The following UPF2 variants were observed in gnomAD, a reference collection of about 807,000 sequenced individuals.
UPF2 encodes UPF2 regulator of nonsense mediated mRNA decay.
A neutral mutation model predicts 141.4 loss-of-function variants in UPF2; 17 were observed. The ratio of observed to expected loss-of-function variants is 0.12; its 90% CI spans 0.08 to 0.18. The LOEUF is 0.18. UPF2 is among the 10% of genes least tolerant of loss of function. The pLI is 1.00. For missense variants in UPF2, 1,152 were observed against 1,515.9 expected (o/e 0.76, Z 3.99); for synonymous variants, 540 against 498.0 (o/e 1.08, Z -1.12).
intron 6 of UPF2, among the ~76,000 whole-genome samples, 195 bp downstream of exon 6, chr10:12,001,481 A>T (rs939930550): frequency 6.6e-6 from 1 of 152,228 alleles, no homozygotes; most frequent in African/African-American, 2.4e-5. Flanking sequence ...TGATCATTAA[A>T]GTTTGTAGAC....
rs115984799 is a variant in UPF2 at position 11,996,020 on chromosome 10, C to T, written c.1844+1652G>A. On this transcript the variant is annotated intron_variant, in intron 8 of 21. Coordinates refer to ENST00000357604, the MANE Select transcript of UPF2 (RefSeq NM_015542.4). The stretch of plus-strand genomic sequence containing the variant: ...TGGCTCTATGCTTCAAAGCATGCTG[C>T]GCTTCTTCTTGACAAAGGCACTTAG... 7.9e-3 allele frequency among the ~76,000 whole-genome samples: 1,202 copies of T among 152,186 alleles called. 14 individuals are homozygous for T. Among genetic ancestry groups the T allele is most frequent in the African/African-American group, 0.027 (1,117 of 41,534 alleles).
chr10:12,012,462 C>A (rs145035664), intron 4 of UPF2, among the ~76,000 whole-genome samples: 110 of 152,270 alleles, frequency 7.2e-4, no homozygotes, highest in African/African-American at 2.6e-3. Flanking sequence ...AACACAAATT[C>A]TATGATGAAA....
At chr10:12,013,143 G>T (rs1467516445) in intron 4 of UPF2, among the ~76,000 whole-genome samples, 1 of 150,830 alleles carries the variant, frequency 6.6e-6, no homozygotes, top group East Asian at 2.0e-4. Flanking sequence ...AAAAGTGTAA[G>T]AATTATGTAC....
intron 11 of UPF2, among the ~76,000 whole-genome samples, chr10:11,962,895 T>C (rs1159162902): frequency 6.6e-6 from 1 of 152,190 alleles, no homozygotes; most frequent in African/African-American, 2.4e-5. Context: ...AAGAACCCTT[T>C]CCTGATATAG....
chr10:12,037,826 CT>C (rs1403656531), intron 1 of UPF2, among the ~76,000 whole-genome samples: 4 of 152,016 alleles, frequency 2.6e-5, no homozygotes, highest in African/African-American at 9.7e-5. Context: ...TACAAAAATA[CT>C]TTACTTCAGT....
At chr10:12,000,093 T>C (rs1057461961) in intron 6 of UPF2, 84 bp from the exon 7 acceptor site, 241 of 1,170,582 alleles carry the variant, frequency 2.1e-4, no homozygotes, top group South Asian at 5.7e-4. Context: ...ATTTGGAAAA[T>C]AGATAATCTA....
At chr10:11,926,093 T>C (rs1355258075) in intron 21 of UPF2, among the ~76,000 whole-genome samples, 1 of 152,176 alleles carries the variant, frequency 6.6e-6, no homozygotes, top group East Asian at 1.9e-4. Flanking sequence ...TGACCCATGG[T>C]CTTGGCTATG....
chr10:12,028,829 T>C lies in UPF2; in HGVS notation c.1061A>G (p.Asn354Ser), dbSNP rs1377338434. Residue 354 changes from asparagine to serine, a missense_variant, in exon 3 of 22, where the codon AAT becomes AGT. Transcript: ENST00000357604. ...ISPEKQQPFQ[N>S]LLKEYFTSLT... ...AGACGTAAAGTACTCTTTTAAAAGATTCTGGAAGGGCTGTTGTTTCTCTGG... is the reference window on the plus strand; with the variant it reads ...AGACGTAAAGTACTCTTTTAAAAGACTCTGGAAGGGCTGTTGTTTCTCTGG... 6.2e-7 allele frequency: 1 copy of C among 1,614,192 alleles called. No individual in the cohort carries two copies. Among genetic ancestry groups the C allele is most frequent in the African/African-American group, 1.3e-5 (1 of 75,064 alleles).
intron 19 of UPF2, among the ~76,000 whole-genome samples, chr10:11,934,746 A>C (rs1004543459): frequency 8.6e-5 from 13 of 151,942 alleles, no homozygotes; most frequent in African/African-American, 1.2e-4. Context: ...CACGCCACCA[A>C]GCCTGGCTAA....
chr10:11,955,306 G>A lies in UPF2; in HGVS notation c.2776C>T (p.Leu926=), dbSNP rs773557760. The part of the protein sequence containing the change: ...LFRIRLVCTI[L]DTCGQYFDRG... ...TCAAAGTACTGGCCACATGTGTCCAGAATAGTGCATACGAGTCTAATTCTG... is the reference window on the plus strand; with the variant it reads ...TCAAAGTACTGGCCACATGTGTCCAAAATAGTGCATACGAGTCTAATTCTG... Residue 926 remains leucine, a synonymous_variant, in exon 14 of 22, where the codon CTG becomes TTG. Coordinates refer to ENST00000357604, the MANE Select transcript of UPF2 (RefSeq NM_015542.4). 2.8e-5 allele frequency: 46 copies of A among 1,614,056 alleles called. No individual in the cohort carries two copies. The highest frequency in any genetic ancestry group is 3.8e-5 in the Non-Finnish European group (45 of 1,180,036).
rs557149717 is a variant in UPF2, at chr10:12,008,562, G to A, written c.1307-3835C>T. ...GGAGAATCGCTTGAACCCGGGAGGC[G>A]GAGCTTGCAGTGAGCTTAGATCGCA... On this transcript the variant is annotated intron_variant, in intron 4 of 21. Transcript: ENST00000357604. Among the ~76,000 whole-genome samples, 29 of 150,168 alleles carry A rather than the reference G, an allele frequency of 1.9e-4. No individual in the cohort carries two copies. In the South Asian group the frequency reaches 2.1e-3, roughly 11 times the overall value.
chr10:12,007,864 A>ATAATAATAG (rs1197658054), intron 4 of UPF2, among the ~76,000 whole-genome samples: 1 of 146,800 alleles, frequency 6.8e-6, no homozygotes, highest in Non-Finnish European at 1.5e-5. Context: ...AATAATAATA[A>ATAATAATAG]TAATAATTTC....
At chr10:11,995,618 A>T (rs939882067) in intron 8 of UPF2, among the ~76,000 whole-genome samples, 1 of 152,082 alleles carries the variant, frequency 6.6e-6, no homozygotes, top group Non-Finnish European at 1.5e-5. Context: ...CCCCATCTCT[A>T]CTAAAAATAT....
chr10:12,038,194 C>A (rs2131320512), intron 1 of UPF2, among the ~76,000 whole-genome samples: 2 of 152,146 alleles, frequency 1.3e-5, no homozygotes, highest in South Asian at 4.1e-4. Flanking sequence ...TCCAGCCTGG[C>A]CAACATGGTG....
At chr10:11,960,371 A>AC (rs1350746228) in intron 11 of UPF2, among the ~76,000 whole-genome samples, 1 of 152,064 alleles carries the variant, frequency 6.6e-6, no homozygotes, top group Non-Finnish European at 1.5e-5. Context: ...ACAAAGTGAG[A>AC]CCCCATCTCT....
chr10:11,967,833 G>T (rs1833347494), intron 9 of UPF2, among the ~76,000 whole-genome samples: 2 of 152,192 alleles, frequency 1.3e-5, no homozygotes, highest in Admixed American at 1.3e-4. Flanking sequence ...GGGATTAGAG[G>T]CGTGAGCCAC....
intron 8 of UPF2, among the ~76,000 whole-genome samples, chr10:11,994,352 T>C (rs1490032182): frequency 6.6e-6 from 1 of 152,210 alleles, no homozygotes; most frequent in Non-Finnish European, 1.5e-5. Context: ...GATGAAAAGA[T>C]ATGTATCAGC....
intron 12 of UPF2, among the ~76,000 whole-genome samples, chr10:11,958,347 C>A (rs1202290826): frequency 6.6e-6 from 1 of 152,192 alleles, no homozygotes; most frequent in Non-Finnish European, 1.5e-5. Context: ...CCTTTCATCT[C>A]TACTCTTTAT....
chr10:11,943,134 T>G lies in UPF2; in HGVS notation c.3209A>C (p.Glu1070Ala). 6.2e-7 allele frequency: 1 copy of G among 1,611,734 alleles called. No individual in the cohort carries two copies. The highest frequency in any genetic ancestry group is 1.3e-5 in the African/African-American group (1 of 75,030). The change falls in exon 17 of 22, where the codon GAA (glutamate) becomes GCA (alanine). Residue 1070 changes from glutamate to alanine, a missense_variant. Coordinates refer to ENST00000357604, the MANE Select transcript of UPF2 (RefSeq NM_015542.4). ...GTAATCTGTATTCTCTTCCTCCTCT[T>G]CTTCTCCCTCATCATCATCATTATC... ...GSDNDDDEGE[E>A]EEEENTDYLT... is the part of the protein sequence containing the mutation.
Sources: allele counts gnomAD v4.1 joint callset (sites outside exome capture counted in the v4.1 genomes callset), GRCh38; gene constraint gnomAD v4.1.1; transcripts MANE v1.5; gene names NCBI Gene and HGNC (gene_info 2026-07-23, HGNC 2026-07-21).